Variants in NUBPL observed in about 807,000 individuals in gnomAD.
NUBPL encodes NUBP iron-sulfur cluster assembly factor, mitochondrial, also known as iron-sulfur cluster transfer protein NUBPL.
In NUBPL, 31 loss-of-function variants were observed where a neutral mutation model predicts 45.7. The observed-to-expected ratio is 0.68, with a 90% CI of 0.51 to 0.92. The LOEUF is 0.92. Among genes scored for constraint, NUBPL ranks in the 40% least tolerant of loss-of-function variants. The probability of loss-of-function intolerance (pLI) is 0.00; values close to 1 mark genes in which losing one functional copy is unlikely to be tolerated. For missense variants in NUBPL, 401 were observed against 398.7 expected, an observed-to-expected ratio of 1.01 and a Z score of -0.05; for synonymous variants, 144 against 140.9, an observed-to-expected ratio of 1.02 and a Z score of -0.15.
chr14:31,562,592 CTT>C (rs202057208), intron 2 of NUBPL, among the ~76,000 whole-genome samples: 18 of 104,390 alleles, frequency 1.7e-4, no homozygotes, highest in South Asian at 3.1e-4. Context: ...CATCTAGTAA[CTT>C]TTTTTTTTTG....
intron 6 of NUBPL, among the ~76,000 whole-genome samples, chr14:31,755,580 T>C (rs2038641646): frequency 6.6e-6 from 1 of 151,976 alleles, no homozygotes; most frequent in Non-Finnish European, 1.5e-5. Flanking sequence ...TTGAGTTCAT[T>C]GTAGATTCTG....
chr14:31,562,588 G>T (rs1336032330), intron 2 of NUBPL, among the ~76,000 whole-genome samples: 4 of 142,588 alleles, frequency 2.8e-5, no homozygotes, highest in East Asian at 4.2e-4. Context: ...AAAACATCTA[G>T]TAACTTTTTT....
rs149029748 is a variant in NUBPL, at chr14:31,703,475, A to G, written c.513+29901A>G. On this transcript the variant is annotated intron_variant, in intron 6 of 10. Transcript: ENST00000281081. ...GTTTTCACACTGCTGATAAAGATGTACCTGAGACTGGGGAGAAACTTACAG... is the reference window on the plus strand; with the variant it reads ...GTTTTCACACTGCTGATAAAGATGTGCCTGAGACTGGGGAGAAACTTACAG... Among the ~76,000 whole-genome samples, 61 of 152,306 alleles carry G rather than the reference A, an allele frequency of 4.0e-4. No homozygotes were observed. In the South Asian group the frequency reaches 0.01, roughly 26 times the overall value.
chr14:31,777,890 G>A (rs2039124682), intron 6 of NUBPL, among the ~76,000 whole-genome samples: 1 of 152,220 alleles, frequency 6.6e-6, no homozygotes, highest in South Asian at 2.1e-4. Context: ...TCTCTGTTGT[G>A]CCCTGATGGC....
At position 31,561,497 on chromosome 14, in the gene NUBPL, G is replaced by A. The variant is rs755396987; in HGVS notation, c.58G>A (p.Gly20Arg). Residue 20 changes from glycine (G) to arginine (R), a missense_variant, in exon 1 of 11, where the codon GGG becomes AGG. Transcript: ENST00000281081. ...FGGVSLRAGG[G>R]ATAPLGGSRA... ...TGGGGTGTCGCTCCGGGCTGGTGGC[G>A]GGGCCACTGCCCCGCTTGGGGGAAG... The A allele has an allele frequency of 1.4e-6, 2 of 1,397,180 alleles. No homozygotes were observed. Among genetic ancestry groups the A allele is most frequent in the African/African-American group, 1.5e-5 (1 of 67,384 alleles). The allele number at this position is 1,397,180 out of a possible 1,614,324, so 86.5% of individuals were successfully genotyped here. A position where few individuals can be genotyped will look rare whatever the true frequency, so the allele number is the denominator to read the frequency against.
chr14:31,685,036 A>T (rs1004000228), intron 6 of NUBPL, among the ~76,000 whole-genome samples: 1 of 152,234 alleles, frequency 6.6e-6, no homozygotes, highest in Non-Finnish European at 1.5e-5. Flanking sequence ...AAAGGTTTGG[A>T]GCAATGGTTT....
At chr14:31,641,041 T>G (rs1017190848) in intron 4 of NUBPL, among the ~76,000 whole-genome samples, 2 of 152,128 alleles carry the variant, frequency 1.3e-5, no homozygotes, top group African/African-American at 4.8e-5. Context: ...AACCTCTGCC[T>G]CCTGGGTTCA....
intron 6 of NUBPL, among the ~76,000 whole-genome samples, chr14:31,786,946 T>C (rs1296972964): frequency 6.6e-6 from 1 of 152,230 alleles, no homozygotes; most frequent in Non-Finnish European, 1.5e-5. Context: ...AGAGGCTGGT[T>C]GGGAGGCTTT....
chr14:31,645,866 G>A (rs773794106), intron 4 of NUBPL, among the ~76,000 whole-genome samples: 6 of 138,622 alleles, frequency 4.3e-5, no homozygotes, highest in Non-Finnish European at 6.0e-5. Flanking sequence ...TACTGTTTTC[G>A]ATAGATTTCT....
chr14:31,610,506 T>A (rs1382674134), intron 4 of NUBPL, among the ~76,000 whole-genome samples: 1 of 147,022 alleles, frequency 6.8e-6, no homozygotes, highest in South Asian at 2.1e-4. Context: ...CCAATACCAA[T>A]CCTACTCAAA....
chr14:31,575,882 G>C (rs766027048), intron 3 of NUBPL, among the ~76,000 whole-genome samples: 29 of 152,170 alleles, frequency 1.9e-4, no homozygotes, highest in Non-Finnish European at 3.8e-4. Flanking sequence ...CAAAAGGTCA[G>C]ATTCAGAAGG....
rs550245155 is a variant in NUBPL, at chr14:31,672,101, A to AT, written c.383-1247dup. On this transcript the variant is annotated intron_variant, in intron 4 of 10. Transcript: ENST00000281081. ...TAATCATTTGTTGACTATATAAAGGATTTTTTTACTTCACTATAAGCAATA... is the reference window on the plus strand; with the variant it reads ...TAATCATTTGTTGACTATATAAAGGATTTTTTTTACTTCACTATAAGCAATA... 1.8e-3 allele frequency among the ~76,000 whole-genome samples: 270 copies of AT among 152,254 alleles called. 3 individuals are homozygous for AT. Among genetic ancestry groups the AT allele is most frequent in the Middle Eastern group, 3.4e-3 (1 of 294 alleles).
rs144659999 is a variant in NUBPL, at chr14:31,587,972, T to G, written c.292-11317T>G. 8.5e-3 allele frequency among the ~76,000 whole-genome samples: 1,298 copies of G among 152,348 alleles called. 19 individuals carry two copies. The highest frequency in any genetic ancestry group is 0.03 in the African/African-American group (1,241 of 41,578). ...ATAAATACCCACTGAGAGTGAATGC[T>G]TATTTTTCCTGCTTCCGTGCATAAA... On this transcript the variant is annotated intron_variant, in intron 3 of 10. Coordinates refer to ENST00000281081, the MANE Select transcript of NUBPL (RefSeq NM_025152.3).
At chr14:31,808,521 G>A (rs996767030) in intron 7 of NUBPL, among the ~76,000 whole-genome samples, 4 of 152,186 alleles carry the variant, frequency 2.6e-5, no homozygotes, top group African/African-American at 9.7e-5. Flanking sequence ...ATTTTGGGCT[G>A]AGACGATGGG....
At chr14:31,588,644 C>T (rs374233909) in intron 3 of NUBPL, among the ~76,000 whole-genome samples, 20 of 151,670 alleles carry the variant, frequency 1.3e-4, no homozygotes, top group African/African-American at 4.6e-4. Context: ...CGGCTGAGCG[C>T]GGTGGCTCAT....
At chr14:31,639,136 C>G (rs923895571) in intron 4 of NUBPL, among the ~76,000 whole-genome samples, 9 of 152,200 alleles carry the variant, frequency 5.9e-5, no homozygotes, top group Admixed American at 2.0e-4. Flanking sequence ...TGAGGAACTG[C>G]ATTCCTTTGG....
chr14:31,667,340 T>G (rs553452601), intron 4 of NUBPL, among the ~76,000 whole-genome samples: 1 of 152,122 alleles, frequency 6.6e-6, no homozygotes, highest in Admixed American at 6.6e-5. Context: ...CTTGATCAAT[T>G]CGACTATTGA....
intron 6 of NUBPL, among the ~76,000 whole-genome samples, chr14:31,773,213 G>A (rs1292925934): frequency 6.6e-6 from 1 of 151,930 alleles, no homozygotes; most frequent in Non-Finnish European, 1.5e-5. Context: ...TTTACATATA[G>A]GCCACTGGGT....
intron 2 of NUBPL, 86 bp downstream of exon 2, chr14:31,562,301 T>A (rs1343035599): frequency 9.3e-6 from 12 of 1,294,034 alleles, no homozygotes; most frequent in African/African-American, 1.5e-5. Context: ...TTTTGTGTTT[T>A]AAAAATTTAT....
Sources: gnomAD v4.1 joint callset for allele counts (sites outside exome capture counted in the v4.1 genomes callset) on GRCh38, gnomAD v4.1.1 for gene constraint, MANE v1.5 for transcripts, NCBI Gene and HGNC (gene_info 2026-07-23, HGNC 2026-07-21) for gene names.